Variants in EDIL3 observed in about 807,000 individuals in gnomAD.
EDIL3 encodes EGF like and discoidin domains 3, also known as EGF-like repeat and discoidin I-like domain-containing protein 3.
EDIL3 carries 37 observed loss-of-function variants against 67.4 expected under a neutral mutation model. The observed-to-expected ratio is 0.55, with a 90% confidence interval of 0.42 to 0.72. EDIL3 has a LOEUF of 0.72. Among genes scored for constraint, EDIL3 ranks in the 30% least tolerant of loss-of-function variants. The pLI, the probability that EDIL3 is intolerant of heterozygous loss-of-function variation, is 0.00. For missense variants in EDIL3, 527 were observed against 586.3 expected (o/e 0.90, Z 1.04); for synonymous variants, 195 against 196.3 (o/e 0.99, Z 0.05).
At chr5:84,135,030 C>G (rs865857002) in intron 5 of EDIL3, among the ~76,000 whole-genome samples, 6 of 152,182 alleles carry the variant, frequency 3.9e-5, no homozygotes, top group African/African-American at 1.2e-4. Context: ...AGGGGCCTCT[C>G]TCCCTCTTTC....
At chr5:83,956,989 T>A (rs978223235) in intron 10 of EDIL3, among the ~76,000 whole-genome samples, 58 of 151,918 alleles carry the variant, frequency 3.8e-4, no homozygotes, top group Middle Eastern at 6.8e-3. Context: ...AGCCACTGAA[T>A]AAGTAAAATA....
chr5:84,231,574 A>G (rs1346767810), intron 2 of EDIL3, among the ~76,000 whole-genome samples: 1 of 152,204 alleles, frequency 6.6e-6, no homozygotes, highest in African/African-American at 2.4e-5. Context: ...TTAAGGTTAC[A>G]TCTGCGCAGA....
rs1241453342 is a variant in EDIL3, at chr5:84,356,898, T to TTC, written c.67+27409_67+27410insGA. The stretch of plus-strand genomic sequence containing the variant: ...AAAACAATCTTTCTTTCTTTTTTTT[T>TTC]TTTTTTTTTTTTTTTTTGGTCTCTC... On this transcript the variant is annotated intron_variant, in intron 1 of 10. Coordinates refer to ENST00000296591, the MANE Select transcript of EDIL3 (RefSeq NM_005711.5). 2.1e-5 allele frequency among the ~76,000 whole-genome samples: 3 copies of TTC among 142,392 alleles called. No individual in the cohort carries two copies. The South Asian group carries it at 6.9e-4, about 33-fold the overall frequency. 93.4% of individuals were successfully genotyped at this position (142,392 alleles called of 152,430 possible). A position where few individuals can be genotyped will look rare whatever the true frequency, so the allele number is the denominator to read the frequency against.
chr5:84,155,186 A>G (rs1050343442), intron 4 of EDIL3, among the ~76,000 whole-genome samples: 2 of 152,184 alleles, frequency 1.3e-5, no homozygotes, highest in Non-Finnish European at 2.9e-5. Flanking sequence ...GAGTAAGTAT[A>G]ACATTATTTT....
intron 1 of EDIL3, among the ~76,000 whole-genome samples, chr5:84,332,118 C>T (rs1746884325): frequency 6.6e-6 from 1 of 152,180 alleles, no homozygotes; most frequent in Admixed American, 6.5e-5. Flanking sequence ...CCTATAATCA[C>T]AACCCTTTGA....
chr5:84,072,414 T>G (rs1182015800), intron 6 of EDIL3, among the ~76,000 whole-genome samples: 2 of 152,070 alleles, frequency 1.3e-5, no homozygotes, highest in East Asian at 3.9e-4. Context: ...GTAATCATAA[T>G]TCACCTATCA....
chr5:84,178,034 A>G lies in EDIL3; in HGVS notation c.355+2359T>C, dbSNP rs990841550. Among the ~76,000 whole-genome samples, 11 of 152,284 alleles carry G rather than the reference A, an allele frequency of 7.2e-5. 1 individual carries two copies. Among genetic ancestry groups the G allele is most frequent in the African/African-American group, 2.6e-4 (11 of 41,576 alleles). The stretch of plus-strand genomic sequence containing the variant: ...TTTTTCCAAATGAAATGTTCACGCC[A>G]TATTTGTACAACTCTCATTTTTATT... On this transcript the variant is annotated intron_variant, in intron 4 of 10. Coordinates refer to ENST00000296591, the MANE Select transcript of EDIL3 (RefSeq NM_005711.5).
At chr5:84,015,506 C>T (rs1349604733) in intron 9 of EDIL3, among the ~76,000 whole-genome samples, 1 of 151,982 alleles carries the variant, frequency 6.6e-6, no homozygotes, top group Non-Finnish European at 1.5e-5. Context: ...ATATTTGATT[C>T]CTAAAACAGA....
chr5:84,154,871 C>T (rs1330931015), intron 4 of EDIL3, among the ~76,000 whole-genome samples: 2 of 151,472 alleles, frequency 1.3e-5, no homozygotes, highest in Non-Finnish European at 2.9e-5. Flanking sequence ...AGCTAATTTT[C>T]GTATTTTTAG....
intron 9 of EDIL3, among the ~76,000 whole-genome samples, chr5:84,005,412 T>C (rs1204803864): frequency 6.6e-6 from 1 of 152,134 alleles, no homozygotes; most frequent in African/African-American, 2.4e-5. Flanking sequence ...CGAACATAGA[T>C]GTGAAAATCC....
intron 9 of EDIL3, among the ~76,000 whole-genome samples, chr5:83,990,917 AT>A (rs1745140214): frequency 6.6e-6 from 1 of 151,446 alleles, no homozygotes; most frequent in African/African-American, 2.4e-5. Context: ...AAATAAATAA[AT>A]AAATAAATAA....
chr5:84,335,688 T>C (rs554122626), intron 1 of EDIL3, among the ~76,000 whole-genome samples: 4 of 152,254 alleles, frequency 2.6e-5, no homozygotes, highest in African/African-American at 9.6e-5. Flanking sequence ...TTATAAACAA[T>C]ACAAGTATAT....
intron 5 of EDIL3, among the ~76,000 whole-genome samples, chr5:84,131,440 T>C (rs907113934): frequency 1.6e-4 from 25 of 152,310 alleles, no homozygotes; most frequent in South Asian, 4.1e-4. Flanking sequence ...TAAGTGTTTT[T>C]AATATGTAGA....
chr5:84,310,670 A>T (rs1470793294), intron 1 of EDIL3, among the ~76,000 whole-genome samples: 1 of 152,162 alleles, frequency 6.6e-6, no homozygotes, highest in African/African-American at 2.4e-5. Context: ...GGTCTTGCTC[A>T]CCCAGAGCCT....
chr5:84,001,827 T>C (rs1745336454), intron 9 of EDIL3, among the ~76,000 whole-genome samples: 2 of 152,044 alleles, frequency 1.3e-5, no homozygotes, highest in South Asian at 2.1e-4. Context: ...CTACCAAACA[T>C]TTAAAGAAGA....
At chr5:84,362,225 A>G (rs1747625714) in intron 1 of EDIL3, among the ~76,000 whole-genome samples, 3 of 152,158 alleles carry the variant, frequency 2.0e-5, no homozygotes, top group South Asian at 4.1e-4. Context: ...GTGCAACAAA[A>G]GAAAGAACAG....
intron 5 of EDIL3, among the ~76,000 whole-genome samples, chr5:84,115,113 T>A (rs1747642024): frequency 6.6e-6 from 1 of 152,230 alleles, no homozygotes; most frequent in South Asian, 2.1e-4. Flanking sequence ...TGAATGTAGA[T>A]ATTATCACTC....
chr5:84,133,523 C>G (rs1258124885), intron 5 of EDIL3, among the ~76,000 whole-genome samples: 1 of 150,170 alleles, frequency 6.7e-6, no homozygotes, highest in African/African-American at 2.5e-5. Context: ...GTAGTGCCAG[C>G]TGCTAGGGAG....
intron 5 of EDIL3, among the ~76,000 whole-genome samples, chr5:84,108,102 T>A (rs1747494980): frequency 6.6e-6 from 1 of 151,574 alleles, no homozygotes; most frequent in Admixed American, 6.6e-5. Context: ...ACTGTCAAAA[T>A]CCAACATTTG....
Sources: gnomAD v4.1 joint callset for allele counts (sites outside exome capture counted in the v4.1 genomes callset) on GRCh38, gnomAD v4.1.1 for gene constraint, MANE v1.5 for transcripts, NCBI Gene and HGNC (gene_info 2026-07-23, HGNC 2026-07-21) for gene names.